WDPCP: variants seen among roughly 807,000 people sequenced by gnomAD.
WDPCP encodes the protein WD repeat-containing and planar cell polarity effector protein fritz homolog.
In WDPCP, 71 loss-of-function variants were observed where a neutral mutation model predicts 93.1. That is an observed-to-expected ratio of 0.76 (90% CI 0.63 to 0.93). The LOEUF (loss-of-function observed/expected upper bound fraction) is 0.93. Ranked by LOEUF, WDPCP falls within the 40% of genes least tolerant of loss-of-function variation. WDPCP has a pLI of 0.00. For missense variants in WDPCP, 844 were observed against 887.4 expected (o/e 0.95, Z 0.62); for synonymous variants, 315 against 315.0 (o/e 1.00, Z 0.00).
intron 2 of WDPCP, chr2:63,717,091 T>C (rs1413492670): frequency 1.4e-5 from 4 of 286,368 alleles, no homozygotes; most frequent in Non-Finnish European, 2.7e-5. Flanking sequence ...CTTCCCTCCT[T>C]CTGTCTCCAC....
intron 2 of WDPCP, among the ~76,000 whole-genome samples, chr2:63,691,002 A>C (rs895049209): frequency 6.6e-6 from 1 of 152,200 alleles, no homozygotes; most frequent in African/African-American, 2.4e-5. Flanking sequence ...ATGCAAATGT[A>C]TATCAGTGGG....
At chr2:63,680,121 G>C (rs1192374039) in intron 2 of WDPCP, among the ~76,000 whole-genome samples, 2 of 152,138 alleles carry the variant, frequency 1.3e-5, no homozygotes, top group Non-Finnish European at 2.9e-5. Flanking sequence ...GGAGAAAGAT[G>C]GTTAAATAGA....
intron 6 of WDPCP, among the ~76,000 whole-genome samples, chr2:63,447,144 C>T (rs990305027): frequency 2.0e-5 from 3 of 152,064 alleles, no homozygotes; most frequent in Admixed American, 1.3e-4. Flanking sequence ...CAGACCTACA[C>T]AAGTAGCATC....
intron 2 of WDPCP, among the ~76,000 whole-genome samples, chr2:63,705,277 G>GT (rs1669130806): frequency 1.3e-5 from 2 of 152,232 alleles, no homozygotes; most frequent in South Asian, 4.1e-4. Context: ...TTTTTGAAGG[G>GT]TTTTTTGTGT....
chr2:63,833,679 G>A, the WDPCP span, among the ~76,000 whole-genome samples: 1 of 152,100 alleles, frequency 6.6e-6, no homozygotes, highest in African/African-American at 2.4e-5. Context: ...ACTCTTTCTA[G>A]ACCCAGAATC....
At chr2:63,714,155 A>C (rs1669301782) in intron 2 of WDPCP, among the ~76,000 whole-genome samples, 1 of 150,470 alleles carries the variant, frequency 6.6e-6, no homozygotes. Flanking sequence ...TCCCGGGTTC[A>C]AGTGATTCTT....
At chr2:63,405,665 T>A (rs773424924) in intron 9 of WDPCP, among the ~76,000 whole-genome samples, 6 of 150,130 alleles carry the variant, frequency 4.0e-5, no homozygotes, top group Non-Finnish European at 7.4e-5. Context: ...CCTGGTGGAG[T>A]AAAATTTTAA....
chr2:63,835,112 C>T, the WDPCP span, among the ~76,000 whole-genome samples: 4 of 151,358 alleles, frequency 2.6e-5, no homozygotes, highest in Admixed American at 1.3e-4. Flanking sequence ...AGAAGCCAGG[C>T]GTCATGGCTC....
intron 17 of WDPCP, among the ~76,000 whole-genome samples, chr2:63,126,565 C>A (rs1052720399): frequency 3.3e-5 from 5 of 151,646 alleles, no homozygotes; most frequent in Non-Finnish European, 4.4e-5. Context: ...ACCTATTTCA[C>A]TTTTTTGCCT....
intron 10 of WDPCP, among the ~76,000 whole-genome samples, chr2:63,398,555 C>A (rs1029911243): frequency 1.3e-5 from 2 of 152,116 alleles, no homozygotes. Flanking sequence ...GAAGCTCTAG[C>A]CTTGGAGCAA....
rs747517141 is a variant in WDPCP at position 63,313,262 on chromosome 2, G to A, written c.1798C>T (p.Arg600Cys). The A allele has an allele frequency of 1.1e-5, 18 of 1,613,490 alleles. No individual in the cohort carries two copies. Among genetic ancestry groups the A allele is most frequent in the African/African-American group, 1.3e-5 (1 of 74,884 alleles). ...AFLLAVDVGARDLFMDIHYLA... is the reference protein window; with the variant it reads ...AFLLAVDVGACDLFMDIHYLA... Reference sequence around the variant, plus strand: ...AAATGACTCACCATAAAGAGGTCACGAGCACCAACGTCAACAGCTAGGAGA... The same window carrying A: ...AAATGACTCACCATAAAGAGGTCACAAGCACCAACGTCAACAGCTAGGAGA... The change falls in exon 13 of 18, where the codon CGT becomes TGT. Residue 600 changes from arginine (R) to cysteine (C), a missense_variant. Coordinates refer to ENST00000272321, the MANE Select transcript of WDPCP (RefSeq NM_015910.7).
chr2:63,607,058 T>G (rs1709547414), intron 3 of WDPCP: 3 of 1,405,656 alleles, frequency 2.1e-6, no homozygotes. Context: ...AAGTACCAAA[T>G]AATAATAATG....
intron 12 of WDPCP, among the ~76,000 whole-genome samples, chr2:63,326,371 T>TGCAAAGG (rs1687540714): frequency 6.6e-6 from 1 of 152,160 alleles, no homozygotes; most frequent in Admixed American, 6.6e-5. Flanking sequence ...GAGAGTGGGA[T>TGCAAAGG]GCAAAGGGCA....
intron 17 of WDPCP, among the ~76,000 whole-genome samples, chr2:63,138,341 C>A (rs1670790175): frequency 6.6e-6 from 1 of 152,006 alleles, no homozygotes; most frequent in Non-Finnish European, 1.5e-5. Context: ...TATACCAGTG[C>A]CCATTTCCTT....
chr2:63,214,670 A>G lies in WDPCP; in HGVS notation c.1916-39838T>C, dbSNP rs377518125. ...ATAAAGGGTATTCAATTAGTAAAAG[A>G]GGAAGTCAAGTTGTCCCTGTTTGCA... is the stretch of plus-strand genomic sequence containing the variant. On this transcript the variant is annotated intron_variant, in intron 14 of 17. Coordinates refer to ENST00000272321, the MANE Select transcript of WDPCP (RefSeq NM_015910.7). Among the ~76,000 whole-genome samples, 12 of 152,308 alleles carry G rather than the reference A, an allele frequency of 7.9e-5. No individual in the cohort carries two copies. In the East Asian group the frequency reaches 2.3e-3, roughly 29 times the overall value.
chr2:63,293,478 A>C (rs1038115888), intron 13 of WDPCP, among the ~76,000 whole-genome samples: 1 of 152,188 alleles, frequency 6.6e-6, no homozygotes, highest in Non-Finnish European at 1.5e-5. Context: ...GCAACAAAAA[A>C]TCATGAGGCA....
chr2:63,153,669 T>A, intron 15 of WDPCP, 95 bp from the exon 16 acceptor site: 1 of 830,392 alleles, frequency 1.2e-6, no homozygotes, highest in Non-Finnish European at 1.8e-6. Context: ...TTAAAATATT[T>A]TAAAGTTTCT....
chr2:63,538,233 ACT>A (rs984012301), intron 1 of WDPCP, among the ~76,000 whole-genome samples: 29 of 152,284 alleles, frequency 1.9e-4, no homozygotes, highest in African/African-American at 6.7e-4. Context: ...TTTATAAATT[ACT>A]GTCAGCAATA....
At chr2:63,343,748 T>C (rs1192863971) in intron 12 of WDPCP, among the ~76,000 whole-genome samples, 1 of 152,226 alleles carries the variant, frequency 6.6e-6, no homozygotes, top group Non-Finnish European at 1.5e-5. Context: ...TCAATTGTCC[T>C]ATTTTCATGT....
Sources: allele counts gnomAD v4.1 joint callset (sites outside exome capture counted in the v4.1 genomes callset), GRCh38; gene constraint gnomAD v4.1.1; transcripts MANE v1.5; gene names NCBI Gene and HGNC (gene_info 2026-07-23, HGNC 2026-07-21).